The following KANSL1L variants were observed in gnomAD, a reference collection of about 807,000 sequenced individuals.
KANSL1L encodes the protein KAT8 regulatory NSL complex subunit 1-like protein.
KANSL1L carries 25 observed loss-of-function variants against 108.6 expected under a neutral mutation model. The ratio of observed to expected loss-of-function variants is 0.23; its 90% CI spans 0.17 to 0.32. The LOEUF (loss-of-function observed/expected upper bound fraction) is 0.32, where lower values mean the gene tolerates loss of function less well. Among genes scored for constraint, KANSL1L ranks in the 10% least tolerant of loss-of-function variants. The pLI is 1.00. For synonymous variants in KANSL1L, 405 were observed against 395.1 expected, an observed-to-expected ratio of 1.03 and a Z score of -0.30; for missense variants, 1,137 against 1,125.7, an observed-to-expected ratio of 1.01 and a Z score of -0.14.
chr2:210,136,458 T>C (rs73984336), intron 2 of KANSL1L, among the ~76,000 whole-genome samples: 2,522 of 152,310 alleles, frequency 0.017, 68 homozygotes, highest in African/African-American at 0.057. Context: ...AATAAGGACA[T>C]ATTTTTAAAA....
chr2:210,066,808 T>A (rs1419826268), intron 6 of KANSL1L, among the ~76,000 whole-genome samples: 1 of 152,228 alleles, frequency 6.6e-6, no homozygotes, highest in East Asian at 1.9e-4. Context: ...TTACTTTGTA[T>A]TTGGGGCTTT....
At chr2:210,079,608 A>G (rs1362816595) in intron 5 of KANSL1L, among the ~76,000 whole-genome samples, 20 of 62,698 alleles carry the variant, frequency 3.2e-4, no homozygotes, top group Middle Eastern at 5.9e-3. Flanking sequence ...AAAAATATGT[A>G]TGTGTATATA....
At chr2:210,158,787 TAAAA>T (rs1348019473) in intron 1 of KANSL1L, among the ~76,000 whole-genome samples, 1 of 151,852 alleles carries the variant, frequency 6.6e-6, no homozygotes, top group Non-Finnish European at 1.5e-5. Flanking sequence ...CTCCTATAAA[TAAAA>T]AAGATTAAAT....
intron 3 of KANSL1L, among the ~76,000 whole-genome samples, chr2:210,111,460 G>A (rs2125462212): frequency 6.6e-6 from 1 of 152,268 alleles, no homozygotes; most frequent in South Asian, 2.1e-4. Flanking sequence ...AAACAGATTA[G>A]TGGTTGCCAG....
At chr2:210,062,688 C>T (rs1044526730) in intron 6 of KANSL1L, among the ~76,000 whole-genome samples, 1 of 152,264 alleles carries the variant, frequency 6.6e-6, no homozygotes, top group East Asian at 1.9e-4. Flanking sequence ...CATTTTGTCC[C>T]TGCCCTAGAG....
intron 6 of KANSL1L, among the ~76,000 whole-genome samples, chr2:210,069,075 A>G (rs1175671420): frequency 2.6e-5 from 4 of 152,184 alleles, no homozygotes; most frequent in Non-Finnish European, 5.9e-5. Flanking sequence ...CTAAAAAGCA[A>G]GGAGAAACCA....
At chr2:210,062,922 G>T (rs1248893734) in intron 6 of KANSL1L, among the ~76,000 whole-genome samples, 1 of 152,172 alleles carries the variant, frequency 6.6e-6, no homozygotes, top group Non-Finnish European at 1.5e-5. Context: ...CATAAGTAAT[G>T]AGGGGCCAAA....
chr2:210,084,695 C>T (rs554334435), intron 5 of KANSL1L, among the ~76,000 whole-genome samples: 8 of 152,112 alleles, frequency 5.3e-5, no homozygotes, highest in African/African-American at 1.7e-4. Context: ...CTCACTGCAA[C>T]CTCCGGCTCC....
rs1431146956 is a variant in KANSL1L, at chr2:210,031,546, A to G, written c.2030T>C (p.Val677Ala). Residue 677 changes from valine (V) to alanine (A), a missense_variant and splice_region_variant, in exon 9 of 15, where the codon GTA becomes GCA. Val to Ala is a moderately conservative substitution (Grantham distance 64, BLOSUM62 0). Coordinates refer to ENST00000281772, the MANE Select transcript of KANSL1L (RefSeq NM_152519.4). ...VDEYIISPSP[V>A]HSTLNQWRNG... ...TCTCCATTGATTCAGAGTACTATGT[A>G]CTAAAACAAATGAAAAGGAAATATT... The G allele has an allele frequency of 2.0e-6, 3 of 1,501,000 alleles. No individual in the cohort carries two copies. The highest frequency in any genetic ancestry group is 2.7e-6 in the Non-Finnish European group (3 of 1,104,724). 93.0% of individuals were successfully genotyped at this position (1,501,000 alleles called of 1,614,324 possible). A position where few individuals can be genotyped will look rare whatever the true frequency, so the allele number is the denominator to read the frequency against.
At position 210,154,468 on chromosome 2, in the gene KANSL1L, T is replaced by G; in HGVS notation, c.115A>C (p.Lys39Gln). ...YMESPRTVDE[K>Q]LKGDTFSQML... ...TGAGAAAAGGTGTCTCCCTTTAGCTTTTCATCTACAGTTCTGGGACTTTCC... is the reference window on the plus strand; with the variant it reads ...TGAGAAAAGGTGTCTCCCTTTAGCTGTTCATCTACAGTTCTGGGACTTTCC... Residue 39 changes from lysine to glutamine, a missense_variant, in exon 2 of 15, where the codon AAG (lysine) becomes CAG (glutamine). By Grantham distance (53) the Lys-to-Gln change is moderately conservative. This residue lies in a region of KANSL1L where 556 missense variants were observed against 537.7 expected (regional missense o/e 1.03). Transcript: ENST00000281772. The G allele has an allele frequency of 6.2e-7, 1 of 1,613,480 alleles. No homozygotes were observed. The highest frequency in any genetic ancestry group is 8.5e-7 in the Non-Finnish European group (1 of 1,179,736).
intron 6 of KANSL1L, among the ~76,000 whole-genome samples, chr2:210,059,803 A>G (rs1173248305): frequency 6.6e-6 from 1 of 151,884 alleles, no homozygotes; most frequent in African/African-American, 2.4e-5. Context: ...GTGCAATGGC[A>G]TGATCTCAGC....
chr2:210,111,591 A>C (rs1190006301), intron 3 of KANSL1L, among the ~76,000 whole-genome samples: 1 of 152,216 alleles, frequency 6.6e-6, no homozygotes, highest in African/African-American at 2.4e-5. Context: ...ATTTGTCAAA[A>C]TTCAGTGAAC....
At chr2:210,054,362 AT>A (rs1166344110) in intron 6 of KANSL1L, among the ~76,000 whole-genome samples, 1 of 150,868 alleles carries the variant, frequency 6.6e-6, no homozygotes, top group South Asian at 2.1e-4. Context: ...CTATAACACC[AT>A]TTTTTACCTA....
At chr2:210,028,025 C>A (rs184139723) in intron 11 of KANSL1L, among the ~76,000 whole-genome samples, 1 of 152,308 alleles carries the variant, frequency 6.6e-6, no homozygotes, top group East Asian at 1.9e-4. Flanking sequence ...TCTCTGTTTG[C>A]AGCCTTTTCT....
In KANSL1L at chr2:210,044,107, G is replaced by A; in HGVS notation, c.1756-3C>T. 6.4e-7 allele frequency: 1 copy of A among 1,570,354 alleles called. No homozygotes were observed. The highest frequency in any genetic ancestry group is 1.8e-5 in the Admixed American group (1 of 54,232). On this transcript the variant is annotated splice_region_variant and splice_polypyrimidine_tract_variant and intron_variant, in intron 6 of 14. Coordinates refer to ENST00000281772, the MANE Select transcript of KANSL1L (RefSeq NM_152519.4). This position sits in a 1 kb window ranked among gnomAD's most constrained non-coding sequence, Gnocchi z 4.2. Reference sequence around the variant, plus strand: ...GCTGTTTCTTTTGAAGGCAAAGTCTGCAAGGAAAAACCGTATTAGAATATC... The same window carrying A: ...GCTGTTTCTTTTGAAGGCAAAGTCTACAAGGAAAAACCGTATTAGAATATC...
intron 2 of KANSL1L, among the ~76,000 whole-genome samples, chr2:210,132,819 C>G (rs1213307806): frequency 6.6e-6 from 1 of 152,146 alleles, no homozygotes; most frequent in Non-Finnish European, 1.5e-5. Context: ...TAATGCTACC[C>G]TCATAAAACG....
rs192151603 is a variant in KANSL1L at position 210,120,737 on chromosome 2, A to G, written c.1230+8294T>C. On this transcript the variant is annotated intron_variant, in intron 3 of 14. Coordinates refer to ENST00000281772, the MANE Select transcript of KANSL1L (RefSeq NM_152519.4). ...CTAAAGAATGGGAGAAAATTTTTGCAAACTATGCATCTGACAAAGGTCTAA... is the reference window on the plus strand; with the variant it reads ...CTAAAGAATGGGAGAAAATTTTTGCGAACTATGCATCTGACAAAGGTCTAA... Among the ~76,000 whole-genome samples, 296 of 152,344 alleles carry G rather than the reference A, an allele frequency of 1.9e-3. 1 individual carries two copies. The highest frequency in any genetic ancestry group is 6.8e-3 in the African/African-American group (284 of 41,584).
At chr2:210,169,913 T>C (rs1399220711) in intron 1 of KANSL1L, among the ~76,000 whole-genome samples, 1 of 152,234 alleles carries the variant, frequency 6.6e-6, no homozygotes, top group Non-Finnish European at 1.5e-5. Context: ...AGATTAGGAA[T>C]CACTTTTCCT....
intron 7 of KANSL1L, among the ~76,000 whole-genome samples, chr2:210,042,624 A>G (rs192468099): frequency 1.3e-5 from 2 of 152,310 alleles, no homozygotes; most frequent in Admixed American, 6.5e-5. Flanking sequence ...GAACAAAGAT[A>G]TCTATTCTCA....
Sources: gnomAD v4.1 joint callset for allele counts (sites outside exome capture counted in the v4.1 genomes callset) on GRCh38, gnomAD v4.1.1 for gene constraint, gnomAD v4.1.1 regional missense constraint, Gnocchi (gnomAD v3.1) non-coding constraint, MANE v1.5 for transcripts, NCBI Gene and HGNC (gene_info 2026-07-23, HGNC 2026-07-21) for gene names.